The following DNAI3 variants were observed in gnomAD, a reference collection of about 807,000 sequenced individuals.
DNAI3 encodes the protein WD repeat domain 63.
Under a neutral mutation model 115.5 loss-of-function variants are expected in DNAI3, and 83 were observed. That is an observed-to-expected ratio of 0.72 (90% CI 0.60 to 0.86). The LOEUF (loss-of-function observed/expected upper bound fraction) is 0.86. Ranked by LOEUF, DNAI3 falls within the 40% of genes least tolerant of loss-of-function variation. DNAI3 has a pLI of 0.00. For missense variants in DNAI3, 1,004 were observed against 1,075.8 expected, an observed-to-expected ratio of 0.93 and a Z score of 0.93; for synonymous variants, 320 against 347.0, an observed-to-expected ratio of 0.92 and a Z score of 0.86.
intron 22 of DNAI3, among the ~76,000 whole-genome samples, chr1:85,130,729 GA>G (rs1194951038): frequency 2.0e-5 from 3 of 151,236 alleles, no homozygotes; most frequent in Non-Finnish European, 3.0e-5. Context: ...AAATAGATAT[GA>G]GGGGGTAGAG....
intron 13 of DNAI3, among the ~76,000 whole-genome samples, chr1:85,103,386 T>C (rs1655385640): frequency 6.6e-6 from 1 of 152,000 alleles, no homozygotes; most frequent in Non-Finnish European, 1.5e-5. Flanking sequence ...TACAAAAAGG[T>C]CAGGTCTTAC....
intron 1 of DNAI3, among the ~76,000 whole-genome samples, chr1:85,069,890 G>A (rs555446640): frequency 1.3e-5 from 2 of 152,212 alleles, no homozygotes; most frequent in Non-Finnish European, 2.9e-5. Context: ...AGTCTAAAGA[G>A]TTGAGTCAGA....
chr1:85,087,795 A>G (rs933373420), intron 7 of DNAI3, among the ~76,000 whole-genome samples: 1 of 152,208 alleles, frequency 6.6e-6, no homozygotes, highest in Non-Finnish European at 1.5e-5. Context: ...TGAAATACAC[A>G]GTGAGACAAG....
At position 85,132,847 on chromosome 1, in the gene DNAI3, C is replaced by T. The variant is rs1445055609; in HGVS notation, c.2533-8C>T. 6.2e-7 allele frequency: 1 copy of T among 1,609,760 alleles called. No homozygotes were observed. Among genetic ancestry groups the T allele is most frequent in the African/African-American group, 1.3e-5 (1 of 74,626 alleles). The stretch of plus-strand genomic sequence containing the variant: ...TATAGGGATGTCTTGTTTTTCTTCC[C>T]CCCCCAGAAAACATATCAGAAGTCA... On this transcript the variant is annotated splice_polypyrimidine_tract_variant and splice_region_variant and intron_variant, in intron 22 of 22. Transcript: ENST00000294664.
Position 85,132,902 on chromosome 1 carries a change from G to T in DNAI3, c.2580G>T (p.Met860Ile), listed in dbSNP as rs780731458. 1.2e-6 allele frequency: 2 copies of T among 1,613,728 alleles called. No homozygotes were observed. Among genetic ancestry groups the T allele is most frequent in the African/African-American group, 2.7e-5 (2 of 74,862 alleles). ...AACAAATGCAGGCTGAATTAAAAATGGACTATGAGAGTTATCTGGAACTGG... is the reference window on the plus strand; with the variant it reads ...AACAAATGCAGGCTGAATTAAAAATTGACTATGAGAGTTATCTGGAACTGG... ...SKEQMQAELK[M>I]DYESYLELEK... Residue 860 changes from methionine (M) to isoleucine (I), a missense_variant, in exon 23 of 23, where the codon ATG (methionine) becomes ATT (isoleucine). Physicochemically the swap from Met to Ile is conservative, Grantham distance 10 (BLOSUM62 1). Transcript: ENST00000294664.
intron 17 of DNAI3, among the ~76,000 whole-genome samples, chr1:85,120,781 G>A (rs1655974444): frequency 6.6e-6 from 1 of 152,170 alleles, no homozygotes; most frequent in African/African-American, 2.4e-5. Flanking sequence ...TAGAGAGAGG[G>A]CTTGTCCTTG....
chr1:85,121,872 A>T, intron 18 of DNAI3, 58 bp downstream of exon 18: 1 of 1,575,906 alleles, frequency 6.3e-7, no homozygotes, highest in Non-Finnish European at 8.7e-7. Context: ...TAAACTACCC[A>T]AAGGAATCTC....
At chr1:85,123,737 A>C (rs1039742350) in intron 18 of DNAI3, among the ~76,000 whole-genome samples, 1 of 152,158 alleles carries the variant, frequency 6.6e-6, no homozygotes, top group Non-Finnish European at 1.5e-5. Context: ...TATCTTTCCC[A>C]CTGGACTGTA....
chr1:85,110,295 C>T (rs1655615700), intron 16 of DNAI3, among the ~76,000 whole-genome samples, 160 bp downstream of exon 16: 1 of 151,504 alleles, frequency 6.6e-6, no homozygotes, highest in Admixed American at 6.6e-5. Flanking sequence ...ACTAAAACTA[C>T]AAAAAATTAG....
intron 3 of DNAI3, among the ~76,000 whole-genome samples, chr1:85,077,789 A>G (rs1446363619): frequency 6.6e-6 from 1 of 152,078 alleles, no homozygotes; most frequent in African/African-American, 2.4e-5. Flanking sequence ...ATATTTATCA[A>G]CTTGTACATA....
intron 17 of DNAI3, among the ~76,000 whole-genome samples, chr1:85,119,068 C>T (rs1287768399): frequency 6.6e-6 from 1 of 152,088 alleles, no homozygotes; most frequent in Non-Finnish European, 1.5e-5. Context: ...TGCAACACTA[C>T]CAAATAAATA....
chr1:85,083,901 A>T (rs1258012020), intron 5 of DNAI3, among the ~76,000 whole-genome samples: 2 of 151,894 alleles, frequency 1.3e-5, no homozygotes, highest in Non-Finnish European at 2.9e-5. Context: ...TTATAGTCTT[A>T]TTAACTTAAC....
At chr1:85,086,946 T>C (rs1654815018) in intron 7 of DNAI3, among the ~76,000 whole-genome samples, 2 of 152,052 alleles carry the variant, frequency 1.3e-5, no homozygotes, top group African/African-American at 4.8e-5. Flanking sequence ...TTTACCCCTC[T>C]GCCCTAATCT....
intron 8 of DNAI3, among the ~76,000 whole-genome samples, chr1:85,092,283 G>A (rs1004737495): frequency 3.3e-5 from 5 of 152,098 alleles, no homozygotes; most frequent in Admixed American, 2.0e-4. Flanking sequence ...ACTCAATTAG[G>A]CAATGACTGG....
intron 7 of DNAI3, among the ~76,000 whole-genome samples, chr1:85,088,440 T>TGGGAAGGGTAGCTGGTATGAGGTAG (rs1654862919): frequency 1.3e-5 from 2 of 152,018 alleles, no homozygotes; most frequent in Admixed American, 6.6e-5. Flanking sequence ...AGCAGGAAAT[T>TGGGAAGGGTAGCTGGTATGAGGTAG]GGGAAGGGTA....
chr1:85,091,704 G>A (rs1166199819), intron 8 of DNAI3, among the ~76,000 whole-genome samples: 1 of 152,184 alleles, frequency 6.6e-6, no homozygotes, highest in Admixed American at 6.5e-5. Context: ...TGAGATGAGA[G>A]AGAGGAACTT....
intron 7 of DNAI3, among the ~76,000 whole-genome samples, chr1:85,086,598 C>G (rs1021303913): frequency 2.6e-5 from 4 of 152,104 alleles, no homozygotes; most frequent in Non-Finnish European, 4.4e-5. Context: ...GTTCCACCTC[C>G]TCCTGCCATT....
At chr1:85,115,230 T>C (rs575544817) in intron 16 of DNAI3, among the ~76,000 whole-genome samples, 7 of 152,320 alleles carry the variant, frequency 4.6e-5, no homozygotes, top group African/African-American at 1.4e-4. Flanking sequence ...AACTACCTCA[T>C]AGGGTGTTGT....
intron 16 of DNAI3, among the ~76,000 whole-genome samples, chr1:85,114,459 A>G (rs1655755664): frequency 1.3e-5 from 2 of 152,108 alleles, no homozygotes; most frequent in African/African-American, 2.4e-5. Context: ...TTCTTTTCCA[A>G]TCTGGATGAT....
Sources: allele counts gnomAD v4.1 joint callset (sites outside exome capture counted in the v4.1 genomes callset), GRCh38; gene constraint gnomAD v4.1.1; transcripts MANE v1.5; gene names NCBI Gene and HGNC (gene_info 2026-07-23, HGNC 2026-07-21).